The following HPSE2 variants were observed in gnomAD, a reference collection of about 807,000 sequenced individuals.
The protein encoded by HPSE2 is inactive heparanase-2.
Under a neutral mutation model 60.5 loss-of-function variants are expected in HPSE2, and 38 were observed. That is an observed-to-expected ratio of 0.63 (90% CI 0.48 to 0.82). HPSE2 has a LOEUF of 0.82. Ranked by LOEUF, HPSE2 falls within the 40% of genes least tolerant of loss-of-function variation. HPSE2 has a pLI of 0.00. For missense variants in HPSE2, 713 were observed against 740.4 expected (o/e 0.96, Z 0.43); for synonymous variants, 295 against 293.2 (o/e 1.01, Z -0.06).
intron 2 of HPSE2, among the ~76,000 whole-genome samples, chr10:99,211,403 T>C (rs539308324): frequency 7.2e-5 from 11 of 152,052 alleles, no homozygotes; most frequent in African/African-American, 2.7e-4. Flanking sequence ...CAAAACAATC[T>C]TGAGCAAAAA....
the HPSE2 span, among the ~76,000 whole-genome samples, chr10:99,244,117 G>A: frequency 1.5e-4 from 23 of 151,542 alleles, no homozygotes; most frequent in African/African-American, 4.8e-4. Flanking sequence ...GTGCTATCTC[G>A]GCTCATTTTC....
intron 3 of HPSE2, among the ~76,000 whole-genome samples, chr10:98,953,502 C>T (rs1955425453): frequency 6.6e-6 from 1 of 152,152 alleles, no homozygotes; most frequent in Non-Finnish European, 1.5e-5. Flanking sequence ...CTTCTACCCC[C>T]GATCTAGGTC....
intron 3 of HPSE2, among the ~76,000 whole-genome samples, chr10:98,907,388 C>T (rs1412618565): frequency 4.6e-5 from 7 of 152,136 alleles, no homozygotes; most frequent in African/African-American, 1.4e-4. Context: ...ATAGACTTAG[C>T]TACTGAAGAG....
chr10:99,068,077 T>G (rs908525638), intron 3 of HPSE2, among the ~76,000 whole-genome samples: 2 of 152,204 alleles, frequency 1.3e-5, no homozygotes, highest in African/African-American at 2.4e-5. Context: ...CATCTCCATC[T>G]GAGACCACCT....
intron 6 of HPSE2, among the ~76,000 whole-genome samples, chr10:98,658,142 T>G (rs1203933030): frequency 6.6e-6 from 1 of 152,072 alleles, no homozygotes; most frequent in Non-Finnish European, 1.5e-5. Context: ...GGGTAAAGTA[T>G]GGGCCTAAAC....
In HPSE2 at chr10:98,928,988, TAATAAATA is replaced by T. The variant is rs75302353; in HGVS notation, c.611-184940_611-184933del. Among the ~76,000 whole-genome samples the T allele has an allele frequency of 2.5e-3, 322 of 130,952 alleles. 45 individuals are homozygous for T. The highest frequency in any genetic ancestry group is 8.5e-3 in the African/African-American group (256 of 30,120). The allele number at this position is 130,952 out of a possible 152,430, so 85.9% of individuals were successfully genotyped here. ...ATGTACCCTAAAACTTAAAGTATAA[TAATAAATA>T]AATAAATAAATAAATAAATAAATAT... On this transcript the variant is annotated intron_variant, in intron 3 of 11. Transcript: ENST00000370552.
chr10:99,034,600 T>C (rs1363958561), intron 3 of HPSE2, among the ~76,000 whole-genome samples: 1 of 152,126 alleles, frequency 6.6e-6, no homozygotes, highest in African/African-American at 2.4e-5. Context: ...AATACACAGA[T>C]ATAGAAAAAC....
intron 3 of HPSE2, among the ~76,000 whole-genome samples, chr10:98,826,674 G>C (rs746061112): frequency 3.3e-5 from 5 of 152,122 alleles, no homozygotes; most frequent in Non-Finnish European, 5.9e-5. Flanking sequence ...CCCAAGAAGA[G>C]ACCCAGTAAA....
intron 4 of HPSE2, among the ~76,000 whole-genome samples, chr10:98,739,290 G>T (rs941535011): frequency 1.3e-5 from 2 of 152,072 alleles, no homozygotes; most frequent in Non-Finnish European, 2.9e-5. Context: ...TATGGGCACA[G>T]GGAGGGAAAC....
chr10:99,073,628 TAAAATAC>T (rs1239150692), intron 3 of HPSE2, among the ~76,000 whole-genome samples: 1 of 152,102 alleles, frequency 6.6e-6, no homozygotes, highest in African/African-American at 2.4e-5. Flanking sequence ...CCCTGGAACT[TAAAATAC>T]AAAATAAGGT....
At chr10:98,771,649 T>C (rs1449500280) in intron 3 of HPSE2, among the ~76,000 whole-genome samples, 1 of 152,110 alleles carries the variant, frequency 6.6e-6, no homozygotes, top group African/African-American at 2.4e-5. Context: ...TAGGATTGGA[T>C]TTTGAAAGAG....
At chr10:99,152,840 C>T (rs576059389) in intron 2 of HPSE2, among the ~76,000 whole-genome samples, 4 of 152,316 alleles carry the variant, frequency 2.6e-5, no homozygotes, top group East Asian at 1.9e-4. Context: ...TCTGAGGTAC[C>T]GGGTTCACCT....
intron 3 of HPSE2, among the ~76,000 whole-genome samples, chr10:99,046,990 C>T (rs1957870999): frequency 6.6e-6 from 1 of 151,988 alleles, no homozygotes; most frequent in Non-Finnish European, 1.5e-5. Context: ...GGAATAACAA[C>T]AAAAATGAAC....
intron 9 of HPSE2, among the ~76,000 whole-genome samples, chr10:98,605,229 A>G (rs1480034945): frequency 2.0e-5 from 3 of 152,250 alleles, no homozygotes; most frequent in East Asian, 3.9e-4. Context: ...AGTACTTCCT[A>G]TGCAAGGCAC....
intron 7 of HPSE2, among the ~76,000 whole-genome samples, chr10:98,633,880 T>G (rs1416033606): frequency 6.6e-6 from 1 of 152,230 alleles, no homozygotes; most frequent in African/African-American, 2.4e-5. Context: ...TAAGCCAGTG[T>G]AGTCTACCTC....
intron 11 of HPSE2, among the ~76,000 whole-genome samples, chr10:98,466,192 G>A (rs1163841636): frequency 6.6e-6 from 1 of 152,230 alleles, no homozygotes; most frequent in Non-Finnish European, 1.5e-5. Flanking sequence ...CTGGACTACA[G>A]TCTGGCAAGA....
At chr10:99,128,977 C>T (rs908722116) in intron 3 of HPSE2, among the ~76,000 whole-genome samples, 1 of 151,932 alleles carries the variant, frequency 6.6e-6, no homozygotes, top group Non-Finnish European at 1.5e-5. Flanking sequence ...CAAACGGACA[C>T]CAAAAGTGAA....
chr10:98,555,740 A>G (rs1037614350), intron 9 of HPSE2, among the ~76,000 whole-genome samples: 1 of 152,222 alleles, frequency 6.6e-6, no homozygotes, highest in Non-Finnish European at 1.5e-5. Flanking sequence ...GTTGCAGATG[A>G]TGGAATAAAG....
intron 3 of HPSE2, among the ~76,000 whole-genome samples, chr10:99,116,321 C>T (rs1213808276): frequency 6.6e-6 from 1 of 151,896 alleles, no homozygotes; most frequent in Admixed American, 6.6e-5. Context: ...CACCAAGGGC[C>T]CATTATGATT....
Sources: allele counts gnomAD v4.1 joint callset (sites outside exome capture counted in the v4.1 genomes callset), GRCh38; gene constraint gnomAD v4.1.1; transcripts MANE v1.5; gene names NCBI Gene and HGNC (gene_info 2026-07-23, HGNC 2026-07-21).